ZNF7: variants seen among roughly 807,000 people sequenced by gnomAD.
ZNF7 encodes zinc finger protein 7.
ZNF7 carries 10 observed loss-of-function variants against 12.0 expected under a neutral mutation model. The observed-to-expected ratio is 0.83, with a 90% CI of 0.51 to 1.42. The LOEUF is 1.42. Among genes scored for constraint, ZNF7 ranks in the 40% most tolerant of loss-of-function variants. The pLI, the probability that ZNF7 is intolerant of heterozygous loss-of-function variation, is 0.00. For missense variants in ZNF7, 854 were observed against 837.2 expected (o/e 1.02, Z -0.25); for synonymous variants, 334 against 295.0 (o/e 1.13, Z -1.35).
At chr8:144,841,281 G>GC (rs1289090998) in intron 4 of ZNF7, 74 bp from the exon 5 acceptor site, 2 of 1,462,510 alleles carry the variant, frequency 1.4e-6, no homozygotes, top group Non-Finnish European at 1.8e-6. Flanking sequence ...TTGAGCCCTG[G>GC]CCCCCGCATT....
rs774549474 is a variant in ZNF7 at position 144,842,593 on chromosome 8, C to A, written c.1486C>A (p.Pro496Thr). The stretch of plus-strand genomic sequence containing the variant: ...TCAGCGAATCCACACTGGAGAGAAA[C>A]CCTATGTGTGTAATGACTGTGGAAA... Reference protein sequence around the residue: ...QHQRIHTGEKPYVCNDCGKAF... With the variant: ...QHQRIHTGEKTYVCNDCGKAF... Residue 496 changes from proline (P) to threonine (T), a missense_variant, in exon 5 of 5, where the codon CCC becomes ACC. Pro to Thr is a conservative substitution (Grantham distance 38). Coordinates refer to ENST00000532777, the MANE Select transcript of ZNF7 (RefSeq NM_003416.4). 1 of 1,614,202 alleles carries A rather than the reference C, an allele frequency of 6.2e-7. No individual in the cohort carries two copies. Among genetic ancestry groups the A allele is most frequent in the East Asian group, 2.2e-5 (1 of 44,882 alleles).
chr8:144,841,235 G>T, intron 4 of ZNF7, 120 bp from the exon 5 acceptor site: 2 of 994,122 alleles, frequency 2.0e-6, no homozygotes, highest in Non-Finnish European at 3.0e-6. Context: ...TTCCACCTGG[G>T]GCCTCACAGT....
intron 4 of ZNF7, chr8:144,838,860 TGAGCCCAGGAGGCA>T (rs1251566117): frequency 8.3e-5 from 3 of 36,114 alleles, no homozygotes; most frequent in Admixed American, 3.5e-4. Context: ...GAGAATGGTG[TGAGCCCAGGAGGCA>T]GAGCTTGCAG....
rs773588606 is a variant in ZNF7 at position 144,842,039 on chromosome 8, G to A, written c.932G>A (p.Cys311Tyr). ...TGEKPYRCEE[C>Y]GKAFGQSSSL... is the part of the protein sequence containing the mutation. ...GAGAAGCCCTACAGATGTGAGGAAT[G>A]TGGAAAAGCTTTTGGTCAGAGCTCA... The change falls in exon 5 of 5, where the codon TGT becomes TAT. Residue 311 changes from cysteine (C) to tyrosine (Y), a missense_variant. Cys to Tyr is a radical substitution (Grantham distance 194). Coordinates refer to ENST00000532777, the MANE Select transcript of ZNF7 (RefSeq NM_003416.4). 2 of 1,614,182 alleles carry A rather than the reference G, an allele frequency of 1.2e-6. No individual in the cohort carries two copies. Among genetic ancestry groups the A allele is most frequent in the South Asian group, 1.1e-5 (1 of 91,088 alleles).
intron 1 of ZNF7, among the ~76,000 whole-genome samples, chr8:144,828,457 C>T (rs555901335): frequency 5.2e-4 from 76 of 147,308 alleles, no homozygotes; most frequent in Non-Finnish European, 7.3e-4. Context: ...CTTCCCCAAC[C>T]TCCAGTCGCT....
intron 3 of ZNF7, chr8:144,834,811 G>C (rs1014313015): frequency 6.6e-6 from 1 of 151,080 alleles, no homozygotes; most frequent in Admixed American, 6.6e-5. Flanking sequence ...CGTGATCTCG[G>C]CTCACTGCAA....
intron 3 of ZNF7, among the ~76,000 whole-genome samples, chr8:144,830,149 G>A (rs1338437957): frequency 6.6e-6 from 1 of 152,192 alleles, no homozygotes; most frequent in Non-Finnish European, 1.5e-5. Context: ...CTTAACTTGG[G>A]CCTTGCTGGG....
Position 144,837,384 on chromosome 8 carries a change from C to G in ZNF7, c.131-7C>G, listed in dbSNP as rs765891872. 4.4e-6 allele frequency: 7 copies of G among 1,602,286 alleles called. No individual in the cohort carries two copies. The East Asian group carries it at 9.0e-5, about 21-fold the overall frequency. Reference sequence around the variant, plus strand: ...TGACACTGTTGTCTTCTCTGCCGCACACACAGCAGGATTCCTGGTTTTCAA... The same window carrying G: ...TGACACTGTTGTCTTCTCTGCCGCAGACACAGCAGGATTCCTGGTTTTCAA... On this transcript the variant is annotated splice_polypyrimidine_tract_variant and splice_region_variant and intron_variant, in intron 3 of 4. Transcript: ENST00000532777.
chr8:144,829,212 G>A (rs1244337722), intron 2 of ZNF7, 122 bp downstream of exon 2: 1 of 1,571,204 alleles, frequency 6.4e-7, no homozygotes, highest in Non-Finnish European at 8.6e-7. Flanking sequence ...AGGCCCCCTT[G>A]CCCCCAACCC....
At chr8:144,839,028 T>A (rs574358094) in intron 4 of ZNF7, among the ~76,000 whole-genome samples, 1 of 144,016 alleles carries the variant, frequency 6.9e-6, no homozygotes. Context: ...TCCATTCATA[T>A]GCGCCTAGGG....
chr8:144,840,979 G>A (rs1586831493), intron 4 of ZNF7: 2 of 208,602 alleles, frequency 9.6e-6, no homozygotes, highest in East Asian at 1.2e-4. Flanking sequence ...TCGCCAGCTC[G>A]GATGCTGGAG....
Position 144,843,384 on chromosome 8 carries a change from TTG to T in ZNF7, c.*217_*218del. The T allele has an allele frequency of 2.0e-6, 1 of 497,458 alleles. No individual in the cohort carries two copies. Among genetic ancestry groups the T allele is most frequent in the Non-Finnish European group, 3.4e-6 (1 of 292,718 alleles). The allele number at this position is 497,458 out of a possible 1,614,324, so 30.8% of individuals were successfully genotyped here. Reference sequence around the variant, plus strand: ...GCGGGCACATCACGAGGTCAGGAGGTTGAGACCATCCTGGGTAACAGGTGAAA... The same window carrying T: ...GCGGGCACATCACGAGGTCAGGAGGTAGACCATCCTGGGTAACAGGTGAAA... On this transcript the variant is annotated 3_prime_UTR_variant, in exon 5 of 5. Coordinates refer to ENST00000532777, the MANE Select transcript of ZNF7 (RefSeq NM_003416.4).
In ZNF7 at chr8:144,843,299, C is replaced by T. The variant is rs1830218093; in HGVS notation, c.*131C>T. On this transcript the variant is annotated 3_prime_UTR_variant, in exon 5 of 5. Coordinates refer to ENST00000532777, the MANE Select transcript of ZNF7 (RefSeq NM_003416.4). ...GGTTCAGAATTGCTCTCAAGAATAT[C>T]CAACTTCAGGCCGAGTGTGGTGGCT... is the stretch of plus-strand genomic sequence containing the variant. The T allele has an allele frequency of 8.3e-7, 1 of 1,197,636 alleles. No homozygotes were observed. The highest frequency in any genetic ancestry group is 1.1e-6 in the Non-Finnish European group (1 of 877,082). The allele number at this position is 1,197,636 out of a possible 1,614,324, so 74.2% of individuals were successfully genotyped here.
chr8:144,846,515 G>T (rs1207467229), downstream of ZNF7: 2 of 225,600 alleles, frequency 8.9e-6, no homozygotes, highest in African/African-American at 4.5e-5. Flanking sequence ...AAGTCACCTT[G>T]AACTTGGAAA....
chr8:144,829,141 C>G (rs1371171296), intron 2 of ZNF7, 51 bp downstream of exon 2: 1 of 1,612,062 alleles, frequency 6.2e-7, no homozygotes, highest in Admixed American at 1.7e-5. Flanking sequence ...GAAGGCCCAC[C>G]TCCTGCTCTG....
Position 144,843,114 on chromosome 8 carries a change from A to G in ZNF7, c.2007A>G (p.Lys669=), listed in dbSNP as rs1563847629. The G allele has an allele frequency of 6.2e-7, 1 of 1,611,160 alleles. No individual in the cohort carries two copies. The highest frequency in any genetic ancestry group is 1.7e-5 in the Admixed American group (1 of 59,330). ...CTTATAAATGCAATGACTGTGGCAA[A>G]GCTTTTAATCGTAGCTCAAGGCTTA... ...EKPYKCNDCG[K]AFNRSSRLTQ... The change falls in exon 5 of 5, where the codon AAA becomes AAG. Residue 669 remains lysine, a synonymous_variant. Coordinates refer to ENST00000532777, the MANE Select transcript of ZNF7 (RefSeq NM_003416.4).
At chr8:144,839,455 C>T (rs1829566282) in intron 4 of ZNF7, among the ~76,000 whole-genome samples, 4 of 152,246 alleles carry the variant, frequency 2.6e-5, no homozygotes, top group African/African-American at 7.2e-5. Context: ...AACCCAGCCG[C>T]CCATTAAAAT....
downstream of ZNF7, among the ~76,000 whole-genome samples, chr8:144,845,706 G>A (rs1201514964): frequency 6.6e-6 from 1 of 152,192 alleles, no homozygotes; most frequent in African/African-American, 2.4e-5. Context: ...ACTCCTGACT[G>A]GTGACCTCCC....
downstream of ZNF7, among the ~76,000 whole-genome samples, chr8:144,844,438 T>C (rs143985564): frequency 0.016 from 2,375 of 151,960 alleles, 67 homozygotes; most frequent in African/African-American, 0.054. Flanking sequence ...GGGCCGGGCG[T>C]GGTGGCTCAC....
Sources: gnomAD v4.1 joint callset for allele counts (sites outside exome capture counted in the v4.1 genomes callset) on GRCh38, gnomAD v4.1.1 for gene constraint, MANE v1.5 for transcripts, NCBI Gene and HGNC (gene_info 2026-07-23, HGNC 2026-07-21) for gene names.